Variants in NAA25 observed in about 807,000 individuals in gnomAD.
NAA25 encodes the protein N-alpha-acetyltransferase 25, NatB auxiliary subunit, also known as N-terminal acetyltransferase B complex subunit NAA25.
Under a neutral mutation model 132.5 loss-of-function variants are expected in NAA25, and 30 were observed. That is an observed-to-expected ratio of 0.23 (90% CI 0.17 to 0.31). The LOEUF is 0.31. NAA25 is among the 10% of genes least tolerant of loss of function. The pLI is 1.00. For missense variants in NAA25, 771 were observed against 1,150.4 expected (o/e 0.67, Z 4.77); for synonymous variants, 359 against 401.9 (o/e 0.89, Z 1.28).
chr12:112,102,075 G>T (rs1288270508), intron 1 of NAA25, among the ~76,000 whole-genome samples: 2 of 151,528 alleles, frequency 1.3e-5, no homozygotes, highest in Non-Finnish European at 2.9e-5. Flanking sequence ...CACCACGTTG[G>T]CCAGGCTGGT....
intron 11 of NAA25, among the ~76,000 whole-genome samples, chr12:112,066,304 CT>C (rs760770820): frequency 9.2e-5 from 14 of 152,320 alleles, no homozygotes; most frequent in South Asian, 8.3e-4. Context: ...TCAGTTATTC[CT>C]TATCTTAGGG....
intron 9 of NAA25, among the ~76,000 whole-genome samples, chr12:112,072,460 C>T (rs2136888196): frequency 6.6e-6 from 1 of 151,530 alleles, no homozygotes; most frequent in Admixed American, 6.6e-5. Context: ...GTATAAAAAA[C>T]TAGTCGGGCG....
intron 14 of NAA25, 146 bp downstream of exon 14, chr12:112,054,242 C>G (rs1468661673): frequency 2.0e-5 from 14 of 698,796 alleles, no homozygotes; most frequent in Non-Finnish European, 3.0e-5. Flanking sequence ...ATATAAAAAT[C>G]TTTCTGGTTT....
chr12:112,054,303 A>G (rs2078512151), intron 14 of NAA25, 85 bp downstream of exon 14: 1 of 1,227,526 alleles, frequency 8.1e-7, no homozygotes. Flanking sequence ...TAATGTCACA[A>G]TCAACTTTAA....
intron 15 of NAA25, among the ~76,000 whole-genome samples, chr12:112,052,260 A>G (rs531147345): frequency 6.6e-6 from 1 of 152,284 alleles, no homozygotes; most frequent in East Asian, 1.9e-4. Context: ...TAGAAACCCA[A>G]CATCCTAGAG....
chr12:112,053,801 C>T, intron 14 of NAA25, 144 bp from the exon 15 acceptor site: 1 of 250,722 alleles, frequency 4.0e-6, no homozygotes. Context: ...CAGAAATGAT[C>T]TAATTCACCA....
intron 20 of NAA25, 29 bp from the exon 21 acceptor site, chr12:112,040,607 T>G: frequency 7.9e-7 from 1 of 1,264,074 alleles, no homozygotes; most frequent in Non-Finnish European, 1.1e-6. Flanking sequence ...TTAGTTTTAT[T>G]CAGCTTTTGT....
At chr12:112,062,102 TA>T (rs1222346808) in intron 11 of NAA25, among the ~76,000 whole-genome samples, 1 of 151,942 alleles carries the variant, frequency 6.6e-6, no homozygotes, top group African/African-American at 2.4e-5. Flanking sequence ...CAGTAAGGAA[TA>T]AAAAAAGAAG....
At chr12:112,057,016 C>T (rs566983134) in intron 13 of NAA25, among the ~76,000 whole-genome samples, 7 of 151,770 alleles carry the variant, frequency 4.6e-5, no homozygotes, top group Non-Finnish European at 8.8e-5. Context: ...GGTAAAACCC[C>T]GTCTCTACTA....
intron 3 of NAA25, 152 bp from the exon 4 acceptor site, chr12:112,087,953 G>A: frequency 3.3e-6 from 2 of 614,384 alleles, no homozygotes; most frequent in South Asian, 1.9e-5. Context: ...CTCTTGGTTA[G>A]GTGGTGTTTA....
intron 3 of NAA25, 66 bp from the exon 4 acceptor site, chr12:112,087,867 T>C: frequency 2.8e-6 from 3 of 1,079,546 alleles, no homozygotes; most frequent in Non-Finnish European, 4.2e-6. Flanking sequence ...TTAATGTTCT[T>C]CCTATTTGGC....
At chr12:112,053,510 G>T in intron 15 of NAA25, 48 bp downstream of exon 15, 1 of 1,313,844 alleles carries the variant, frequency 7.6e-7, no homozygotes, top group Non-Finnish European at 1.1e-6. Context: ...CCTCAATAGT[G>T]TGCAGTCAGC....
Position 112,043,616 on chromosome 12 carries a change from T to C in NAA25, c.2250+9A>G. The C allele has an allele frequency of 1.2e-6, 2 of 1,613,606 alleles. No individual in the cohort carries two copies. The highest frequency in any genetic ancestry group is 1.7e-6 in the Non-Finnish European group (2 of 1,179,654). On this transcript the variant is annotated intron_variant, in intron 18 of 23. Transcript: ENST00000261745. ...TGCAACTTTGATGGTAAATATGTAT[T>C]GATGGTACCTGAATATCCTTCTCAA...
intron 22 of NAA25, among the ~76,000 whole-genome samples, chr12:112,037,075 T>A (rs1359337558): frequency 6.6e-6 from 1 of 151,686 alleles, no homozygotes; most frequent in East Asian, 1.9e-4. Context: ...ATACCAAGTA[T>A]GTGGAGCATT....
rs1390668622 is a variant in NAA25, at chr12:112,043,715, T to C, written c.2160A>G (p.Val720=). The change falls in exon 18 of 24, where the codon GTA becomes GTG. Residue 720 remains valine (V), a synonymous_variant. Coordinates refer to ENST00000261745, the MANE Select transcript of NAA25 (RefSeq NM_024953.4). Reference sequence around the variant, plus strand: ...AACGAAGAATATCAATCCGGGAGGATACCCCATTCTCGGCAGTCTTCTCCG... The same window carrying C: ...AACGAAGAATATCAATCCGGGAGGACACCCCATTCTCGGCAGTCTTCTCCG... The part of the protein sequence containing the change: ...KNSEKTAENG[V]SSRIDILRLL... 1.9e-6 allele frequency: 3 copies of C among 1,614,074 alleles called. No individual in the cohort carries two copies. The Admixed American group carries it at 5.0e-5, about 27-fold the overall frequency.
intron 17 of NAA25, among the ~76,000 whole-genome samples, chr12:112,046,924 G>A (rs1458700460): frequency 6.6e-6 from 1 of 152,018 alleles, no homozygotes; most frequent in Non-Finnish European, 1.5e-5. Context: ...AATCCTTTAT[G>A]TTTCCAGATT....
intron 2 of NAA25, among the ~76,000 whole-genome samples, chr12:112,092,682 C>CCT (rs1566032006): frequency 8.3e-5 from 12 of 145,104 alleles, no homozygotes; most frequent in Non-Finnish European, 3.0e-5. Context: ...TCTCCCCCCC[C>CCT]TTTTTTTTTT....
At chr12:112,040,625 C>A (rs760580701) in intron 20 of NAA25, 47 bp from the exon 21 acceptor site, 2 of 1,002,532 alleles carry the variant, frequency 2.0e-6, no homozygotes, top group African/African-American at 1.6e-5. Flanking sequence ...TGTTTCAATG[C>A]TATTTTAAGG....
chr12:112,066,541 G>A (rs2078721899), intron 11 of NAA25, among the ~76,000 whole-genome samples: 1 of 152,150 alleles, frequency 6.6e-6, no homozygotes, highest in South Asian at 2.1e-4. Flanking sequence ...TTTCAAATAA[G>A]TGAACGGCAA....
Sources: allele counts gnomAD v4.1 joint callset (sites outside exome capture counted in the v4.1 genomes callset), GRCh38; gene constraint gnomAD v4.1.1; transcripts MANE v1.5; gene names NCBI Gene and HGNC (gene_info 2026-07-23, HGNC 2026-07-21).